Variants in MAP2K1 observed in about 807,000 individuals in gnomAD.
MAP2K1 encodes the protein dual specificity mitogen-activated protein kinase kinase 1.
In MAP2K1, 16 loss-of-function variants were observed where a neutral mutation model predicts 46.3. The observed-to-expected ratio is 0.35, with a 90% CI of 0.23 to 0.52. The LOEUF (loss-of-function observed/expected upper bound fraction) is 0.52. MAP2K1 is among the 20% of genes least tolerant of loss of function. MAP2K1 has a pLI of 0.94. For missense variants in MAP2K1, 263 were observed against 497.1 expected (o/e 0.53, Z 4.48); for synonymous variants, 183 against 185.6 (o/e 0.99, Z 0.11).
At chr15:66,461,770 T>A (rs963737002) in intron 5 of MAP2K1, among the ~76,000 whole-genome samples, 2 of 152,198 alleles carry the variant, frequency 1.3e-5, no homozygotes, top group Non-Finnish European at 2.9e-5. Context: ...CGAGCCACTG[T>A]GTCCTCTCCC....
Position 66,488,963 on chromosome 15 carries a change from G to T in MAP2K1, c.961-252G>T, listed in dbSNP as rs1893146754. The T allele has an allele frequency of 5.9e-6, 3 of 512,574 alleles. No individual in the cohort carries two copies. The Admixed American group carries it at 9.6e-5, about 16-fold the overall frequency. 31.8% of individuals were successfully genotyped at this position (512,574 alleles called of 1,614,324 possible). On this transcript the variant is annotated intron_variant, in intron 8 of 10. Transcript: ENST00000307102. ...TGATTAGTTCAAAATCACCCGACAAGTGAGTGGACTTGACTTGGTCCCAAT... is the reference window on the plus strand; with the variant it reads ...TGATTAGTTCAAAATCACCCGACAATTGAGTGGACTTGACTTGGTCCCAAT...
chr15:66,395,570 A>G (rs1396671070), intron 1 of MAP2K1, among the ~76,000 whole-genome samples: 5 of 114,824 alleles, frequency 4.4e-5, no homozygotes, highest in East Asian at 5.3e-4. Flanking sequence ...ACTTTCTTGC[A>G]TGATTTTTTT....
intron 1 of MAP2K1, among the ~76,000 whole-genome samples, chr15:66,388,758 C>A (rs2093349296): frequency 6.6e-6 from 1 of 151,994 alleles, no homozygotes; most frequent in South Asian, 2.1e-4. Context: ...GATGGTGGAC[C>A]TGTGGTGTGT....
chr15:66,421,115 CACACACACACAT>C (rs1377113476), intron 1 of MAP2K1, among the ~76,000 whole-genome samples: 1,170 of 81,626 alleles, frequency 0.014, 21 homozygotes, highest in African/African-American at 0.042. Context: ...CACACACACA[CACACACACACAT>C]ATATATATAT....
intron 2 of MAP2K1, among the ~76,000 whole-genome samples, chr15:66,435,570 C>A (rs940081447): frequency 1.3e-5 from 2 of 152,034 alleles, no homozygotes; most frequent in African/African-American, 2.4e-5. Flanking sequence ...TCAGGTGATA[C>A]GCCCGCCTCA....
Position 66,489,260 on chromosome 15 carries a change from G to A in MAP2K1, c.1006G>A (p.Asp336Asn). ...TGGAGTGTTCAGTCTGGAATTTCAA[G>A]ATTTTGTGAATAAATGGTAAGTTGG... ...PSGVFSLEFQ[D>N]FVNKCLIKNP... is the part of the protein sequence containing the mutation. The change falls in exon 9 of 11, where the codon GAT becomes AAT. Residue 336 changes from aspartate to asparagine, a missense_variant. Around this residue, in one of 4 missense-constraint regions of MAP2K1, gnomAD observed 118 missense variants for 193.0 expected, o/e 0.61. Transcript: ENST00000307102. 1 of 1,614,102 alleles carries A rather than the reference G, an allele frequency of 6.2e-7. No homozygotes were observed. The highest frequency in any genetic ancestry group is 8.5e-7 in the Non-Finnish European group (1 of 1,179,978).
chr15:66,466,887 TC>T (rs1892482335), intron 5 of MAP2K1, among the ~76,000 whole-genome samples: 1 of 152,200 alleles, frequency 6.6e-6, no homozygotes, highest in African/African-American at 2.4e-5. Flanking sequence ...TGAAAGTTTT[TC>T]CTCTGTTTTG....
intron 6 of MAP2K1, among the ~76,000 whole-genome samples, chr15:66,483,234 G>A (rs1176335678): frequency 6.6e-6 from 1 of 152,076 alleles, no homozygotes; most frequent in African/African-American, 2.4e-5. Context: ...CTTCTTGCTG[G>A]CACCTACCCC....
intron 1 of MAP2K1, among the ~76,000 whole-genome samples, chr15:66,413,191 T>C (rs34833582): frequency 0.057 from 8,709 of 152,204 alleles, 352 homozygotes; most frequent in Middle Eastern, 0.11. Flanking sequence ...CCACCACGCT[T>C]GGCCCCTTGT....
At chr15:66,417,192 T>C (rs1262275811) in intron 1 of MAP2K1, among the ~76,000 whole-genome samples, 1 of 152,210 alleles carries the variant, frequency 6.6e-6, no homozygotes, top group Non-Finnish European at 1.5e-5. Flanking sequence ...GTGATATTAC[T>C]TCTTCTAGGT....
intron 8 of MAP2K1, 106 bp from the exon 9 acceptor site, chr15:66,489,109 G>C: frequency 2.3e-6 from 2 of 880,612 alleles, no homozygotes; most frequent in Non-Finnish European, 3.8e-6. Flanking sequence ...CTGCAGAGAA[G>C]ACTTTAAAAA....
chr15:66,482,156 C>T (rs1892929284), intron 6 of MAP2K1, among the ~76,000 whole-genome samples: 2 of 152,170 alleles, frequency 1.3e-5, no homozygotes, highest in African/African-American at 2.4e-5. Context: ...TTGTGAGCTC[C>T]AGCTCCCCTC....
intron 5 of MAP2K1, among the ~76,000 whole-genome samples, chr15:66,447,088 C>G (rs979729245): frequency 3.3e-5 from 5 of 152,086 alleles, no homozygotes; most frequent in Non-Finnish European, 7.4e-5. Flanking sequence ...GATGAGTGGA[C>G]TAGGGTGGGC....
chr15:66,429,776 C>T (rs765235943), intron 1 of MAP2K1, among the ~76,000 whole-genome samples: 2 of 150,296 alleles, frequency 1.3e-5, no homozygotes, highest in Non-Finnish European at 2.9e-5. Context: ...GGTCCATTCT[C>T]CTTTCCTGTC....
intron 1 of MAP2K1, among the ~76,000 whole-genome samples, chr15:66,399,929 CA>C (rs1366414152): frequency 6.6e-6 from 1 of 151,960 alleles, no homozygotes; most frequent in Non-Finnish European, 1.5e-5. Context: ...ATTTTAGATT[CA>C]GGGGGTATAT....
At position 66,446,527 on chromosome 15, in the gene MAP2K1, G is replaced by C. The variant is rs1891872926; in HGVS notation, c.568+1820G>C. 3 of 183,166 alleles carry C rather than the reference G, an allele frequency of 1.6e-5. No homozygotes were observed. The South Asian group carries it at 2.9e-4, about 18-fold the overall frequency. The allele number at this position is 183,166 out of a possible 1,614,324, so 11.3% of individuals were successfully genotyped here. A position where few individuals can be genotyped will look rare whatever the true frequency, so the allele number is the denominator to read the frequency against. Reference sequence around the variant, plus strand: ...AGTAGGAAGAGTGCTTCAGAATTTGGCACAAACTATGCCACTGGTTCTGTG... The same window carrying C: ...AGTAGGAAGAGTGCTTCAGAATTTGCCACAAACTATGCCACTGGTTCTGTG... On this transcript the variant is annotated intron_variant, in intron 5 of 10. Transcript: ENST00000307102.
intron 1 of MAP2K1, among the ~76,000 whole-genome samples, chr15:66,406,641 T>C (rs2093397538): frequency 1.3e-5 from 2 of 152,078 alleles, no homozygotes; most frequent in Non-Finnish European, 2.9e-5. Flanking sequence ...CTCAGAGAGA[T>C]TAAAAATGGA....
At chr15:66,486,488 A>G (rs149482845) in intron 7 of MAP2K1, among the ~76,000 whole-genome samples, 31 of 152,220 alleles carry the variant, frequency 2.0e-4, no homozygotes, top group African/African-American at 7.2e-4. Flanking sequence ...GATCACGACT[A>G]TAATCTGAAT....
At chr15:66,419,010 A>G (rs1253777796) in intron 1 of MAP2K1, among the ~76,000 whole-genome samples, 1 of 125,432 alleles carries the variant, frequency 8.0e-6, no homozygotes, top group Admixed American at 9.9e-5. Context: ...TTTGTTGCCC[A>G]GGCTGGAGTG....
Sources: allele counts gnomAD v4.1 joint callset (sites outside exome capture counted in the v4.1 genomes callset), GRCh38; gene constraint gnomAD v4.1.1; regional missense constraint gnomAD v4.1.1; transcripts MANE v1.5; gene names NCBI Gene and HGNC (gene_info 2026-07-23, HGNC 2026-07-21).